Variants in ACVR1B observed in about 807,000 individuals in gnomAD.
ACVR1B encodes activin receptor type-1B.
In ACVR1B, 15 loss-of-function variants were observed where a neutral mutation model predicts 55.6. That is an observed-to-expected ratio of 0.27 (90% CI 0.18 to 0.42). ACVR1B has a LOEUF of 0.42. ACVR1B is among the 10% of genes least tolerant of loss of function. The pLI, the probability that ACVR1B is intolerant of heterozygous loss-of-function variation, is 1.00. For synonymous variants in ACVR1B, 247 were observed against 254.6 expected (o/e 0.97, Z 0.28); for missense variants, 359 against 670.1 (o/e 0.54, Z 5.13).
chr12:51,968,081 A>T (rs1281176401), intron 1 of ACVR1B, among the ~76,000 whole-genome samples: 1 of 152,192 alleles, frequency 6.6e-6, no homozygotes, highest in African/African-American at 2.4e-5. Flanking sequence ...CTGAAAATAC[A>T]AAAAACTAGC....
At chr12:51,963,252 A>T (rs1039221536) in intron 1 of ACVR1B, among the ~76,000 whole-genome samples, 7 of 149,348 alleles carry the variant, frequency 4.7e-5, no homozygotes, top group African/African-American at 7.3e-5. Context: ...TTATGTATTT[A>T]TTTTTTTTTT....
At chr12:51,967,729 A>T (rs926859492) in intron 1 of ACVR1B, among the ~76,000 whole-genome samples, 4 of 152,188 alleles carry the variant, frequency 2.6e-5, no homozygotes, top group Non-Finnish European at 4.4e-5. Flanking sequence ...CCACCCTATG[A>T]AGTTGATTCT....
chr12:51,959,951 C>T (rs1941485994), intron 1 of ACVR1B: 1 of 151,660 alleles, frequency 6.6e-6, no homozygotes, highest in African/African-American at 2.4e-5. Flanking sequence ...TCACCTTGCC[C>T]CACATCCTTG....
At chr12:51,993,324 A>T (rs150910451) in intron 8 of ACVR1B, among the ~76,000 whole-genome samples, 53 of 152,270 alleles carry the variant, frequency 3.5e-4, no homozygotes, top group Middle Eastern at 3.4e-3. Flanking sequence ...ATATTAGCTG[A>T]TGCTTTCGTG....
At position 51,989,573 on chromosome 12, in the gene ACVR1B, CTG is replaced by C. The variant is rs770069025; in HGVS notation, c.1262-2287_1262-2286del. Among the ~76,000 whole-genome samples the C allele has an allele frequency of 7.6e-4, 116 of 152,302 alleles. 1 individual carries two copies. Among genetic ancestry groups the C allele is most frequent in the Admixed American group, 1.4e-3 (21 of 15,290 alleles). On this transcript the variant is annotated intron_variant, in intron 7 of 8. Transcript: ENST00000257963. ...GTGCTAGGATTATAAGCGTGAGCCA[CTG>C]TGCCTGGCCTAAATTGGCTTTTTAA...
intron 3 of ACVR1B, among the ~76,000 whole-genome samples, 198 bp downstream of exon 3, chr12:51,976,773 C>T (rs1278603202): frequency 5.3e-5 from 8 of 152,194 alleles, no homozygotes; most frequent in Admixed American, 2.0e-4. Context: ...TCTCTCATTC[C>T]GTGGGATTCC....
chr12:51,994,450 C>G lies in ACVR1B; in HGVS notation c.*340C>G. ...CCATGACAGGGGCGCTTGGGAGGGG[C>G]CGGAGGAACCGAGGTGTTGCCAGTG... On this transcript the variant is annotated 3_prime_UTR_variant, in exon 9 of 9. Coordinates refer to ENST00000257963, the MANE Select transcript of ACVR1B (RefSeq NM_004302.5). This position sits in a 1 kb window ranked among gnomAD's most constrained non-coding sequence, Gnocchi z 4.2. The G allele has an allele frequency of 3.4e-6, 1 of 296,256 alleles. No individual in the cohort carries two copies. Among genetic ancestry groups the G allele is most frequent in the Non-Finnish European group, 6.5e-6 (1 of 154,464 alleles). The allele number at this position is 296,256 out of a possible 1,614,324, so 18.4% of individuals were successfully genotyped here. A position where few individuals can be genotyped will look rare whatever the true frequency, so the allele number is the denominator to read the frequency against.
intron 1 of ACVR1B, among the ~76,000 whole-genome samples, chr12:51,952,666 C>G (rs1449547381): frequency 1.3e-5 from 2 of 152,172 alleles, no homozygotes; most frequent in African/African-American, 4.8e-5. Flanking sequence ...GGGGCCCATT[C>G]AGTTAATCAC....
At position 51,994,260 on chromosome 12, in the gene ACVR1B, C is replaced by T. The variant is rs1942256459; in HGVS notation, c.*150C>T. ...CAAGAGGGACAGAGCCCGGGAGAGA[C>T]TCGCTCACTCCCATGTTGGGTTTGA... On this transcript the variant is annotated 3_prime_UTR_variant, in exon 9 of 9. Transcript: ENST00000257963. This position sits in a 1 kb window ranked among gnomAD's most constrained non-coding sequence, Gnocchi z 4.2. The T allele has an allele frequency of 9.3e-7, 1 of 1,076,736 alleles. No individual in the cohort carries two copies. Among genetic ancestry groups the T allele is most frequent in the Non-Finnish European group, 1.3e-6 (1 of 756,290 alleles). The allele number at this position is 1,076,736 out of a possible 1,614,324, so 66.7% of individuals were successfully genotyped here.
At chr12:51,981,872 A>G (rs534251487) in intron 4 of ACVR1B, among the ~76,000 whole-genome samples, 1 of 152,078 alleles carries the variant, frequency 6.6e-6, no homozygotes, top group Non-Finnish European at 1.5e-5. Flanking sequence ...GAAAAAAAAA[A>G]TCCCTAGGAT....
chr12:51,983,949 T>G, intron 4 of ACVR1B, 50 bp from the exon 5 acceptor site: 1 of 1,602,786 alleles, frequency 6.2e-7, no homozygotes, highest in Non-Finnish European at 8.5e-7. Context: ...ACCTTCACTG[T>G]TTTGCTGATA....
rs186952674 is a variant in ACVR1B, at chr12:51,963,293, G to A, written c.91+11459G>A. 5.5e-3 allele frequency among the ~76,000 whole-genome samples: 840 copies of A among 152,018 alleles called. 8 individuals carry two copies. Among genetic ancestry groups the A allele is most frequent in the Non-Finnish European group, 6.5e-3 (443 of 67,982 alleles). On this transcript the variant is annotated intron_variant, in intron 1 of 8. Coordinates refer to ENST00000257963, the MANE Select transcript of ACVR1B (RefSeq NM_004302.5). ...AAAGTCTTGCTCCGTCACCCAGGCT[G>A]GAGTGCCATAGCATGATCTCGGCTC... is the stretch of plus-strand genomic sequence containing the variant.
chr12:51,960,863 C>A (rs1010266464), intron 1 of ACVR1B, among the ~76,000 whole-genome samples: 2 of 152,208 alleles, frequency 1.3e-5, no homozygotes, highest in Non-Finnish European at 2.9e-5. Context: ...CTTCTAGGAT[C>A]AACTCTAGAC....
At chr12:51,977,783 A>ATTT (rs748536892) in intron 3 of ACVR1B, among the ~76,000 whole-genome samples, 158 of 103,152 alleles carry the variant, frequency 1.5e-3, no homozygotes, top group African/African-American at 1.8e-3. Context: ...AAGCCTGGCA[A>ATTT]TTTTTTTTTT....
chr12:51,968,574 TG>T (rs1941686665), intron 1 of ACVR1B, among the ~76,000 whole-genome samples: 2 of 152,204 alleles, frequency 1.3e-5, no homozygotes, highest in East Asian at 1.9e-4. Flanking sequence ...GTCCCTTCCT[TG>T]AATTTGGGTG....
intron 1 of ACVR1B, among the ~76,000 whole-genome samples, chr12:51,958,742 A>G (rs1205569621): frequency 6.6e-6 from 1 of 152,064 alleles, no homozygotes; most frequent in Non-Finnish European, 1.5e-5. Flanking sequence ...TGCGCGGTTC[A>G]CCGTAGGTTT....
At chr12:51,958,972 G>C (rs1941464273) in intron 1 of ACVR1B, among the ~76,000 whole-genome samples, 1 of 152,204 alleles carries the variant, frequency 6.6e-6, no homozygotes, top group African/African-American at 2.4e-5. Flanking sequence ...CAGGTGTTAG[G>C]GATACAGTAG....
intron 1 of ACVR1B, among the ~76,000 whole-genome samples, chr12:51,954,442 C>A (rs548561836): frequency 1.7e-3 from 260 of 152,320 alleles, no homozygotes; most frequent in African/African-American, 6.0e-3. Context: ...CTCATAGGAA[C>A]ATTTTGAAAT....
chr12:51,954,552 C>T (rs1424132033), intron 1 of ACVR1B, among the ~76,000 whole-genome samples: 1 of 152,122 alleles, frequency 6.6e-6, no homozygotes, highest in Non-Finnish European at 1.5e-5. Context: ...TTGTAGAGAC[C>T]TCTGATTAGT....
Sources: allele counts gnomAD v4.1 joint callset (sites outside exome capture counted in the v4.1 genomes callset), GRCh38; gene constraint gnomAD v4.1.1; non-coding constraint Gnocchi (gnomAD v3.1); transcripts MANE v1.5; gene names NCBI Gene and HGNC (gene_info 2026-07-23, HGNC 2026-07-21).